The following NRSN1 variants were observed in gnomAD, a reference collection of about 807,000 sequenced individuals.
The protein encoded by NRSN1 is neurensin-1.
In NRSN1, 14 loss-of-function variants were observed where a neutral mutation model predicts 17.3. That is an observed-to-expected ratio of 0.81 (90% CI 0.54 to 1.27). The LOEUF (loss-of-function observed/expected upper bound fraction) is 1.27. Among genes scored for constraint, NRSN1 ranks in the 50% most tolerant of loss-of-function variants. The pLI is 0.00. For missense variants in NRSN1, 209 were observed against 235.9 expected, an observed-to-expected ratio of 0.89 and a Z score of 0.75; for synonymous variants, 79 against 94.2, an observed-to-expected ratio of 0.84 and a Z score of 0.93.
chr6:24,144,388 T>C (rs1236054631), intron 3 of NRSN1, among the ~76,000 whole-genome samples: 2 of 152,172 alleles, frequency 1.3e-5, no homozygotes, highest in Admixed American at 1.3e-4. Flanking sequence ...ACAAGTTGGA[T>C]GTATTACTCA....
chr6:24,142,518 A>G (rs1055417921), intron 3 of NRSN1, among the ~76,000 whole-genome samples: 7 of 151,996 alleles, frequency 4.6e-5, no homozygotes, highest in African/African-American at 1.7e-4. Flanking sequence ...GAGTACAACA[A>G]TGTGATCTCG....
At chr6:24,135,295 T>G (rs1760100671) in intron 3 of NRSN1, among the ~76,000 whole-genome samples, 1 of 152,156 alleles carries the variant, frequency 6.6e-6, no homozygotes, top group African/African-American at 2.4e-5. Flanking sequence ...AGAGATGCCA[T>G]CTCAAGGAAT....
chr6:24,141,670 C>T (rs1760206342), intron 3 of NRSN1: 1 of 152,284 alleles, frequency 6.6e-6, no homozygotes, highest in Non-Finnish European at 1.5e-5. Flanking sequence ...ATCTGAAAGC[C>T]ATGGTTTGCA....
intron 3 of NRSN1, among the ~76,000 whole-genome samples, chr6:24,136,246 T>A (rs1408883233): frequency 6.6e-6 from 1 of 152,264 alleles, no homozygotes; most frequent in Non-Finnish European, 1.5e-5. Flanking sequence ...TATTAGCTAC[T>A]ATTACTGGTT....
At chr6:24,141,156 T>C in intron 3 of NRSN1, 1 of 1,271,962 alleles carries the variant, frequency 7.9e-7, no homozygotes, top group Non-Finnish European at 1.0e-6. Flanking sequence ...CGAGGCTGCT[T>C]TGCTTCCTCA....
At chr6:24,138,432 G>A (rs909895256) in intron 3 of NRSN1, among the ~76,000 whole-genome samples, 3 of 152,070 alleles carry the variant, frequency 2.0e-5, no homozygotes, top group Non-Finnish European at 2.9e-5. Flanking sequence ...GATTGTCCAC[G>A]CAGCAAACAG....
In NRSN1 at chr6:24,146,107, T is replaced by A. The variant is rs936771286; in HGVS notation, c.*161T>A. The stretch of plus-strand genomic sequence containing the variant: ...CTCACACTTGCTCAGTTCAGGCAGC[T>A]CTGCTGGAGGGCGGTGCCATGCCTA... On this transcript the variant is annotated 3_prime_UTR_variant, in exon 4 of 4. Transcript: ENST00000378491. 5 of 794,660 alleles carry A rather than the reference T, an allele frequency of 6.3e-6. No individual in the cohort carries two copies. The African/African-American group carries it at 8.5e-5, about 13-fold the overall frequency. 49.2% of individuals were successfully genotyped at this position (794,660 alleles called of 1,614,324 possible).
intron 1 of NRSN1, among the ~76,000 whole-genome samples, chr6:24,127,238 C>T (rs1759963697): frequency 6.6e-6 from 1 of 152,064 alleles, no homozygotes; most frequent in African/African-American, 2.4e-5. Flanking sequence ...TGCTTCTTTC[C>T]CCCAAATCTG....
At position 24,130,205 on chromosome 6, in the gene NRSN1, T is replaced by C. The variant is rs1045453617; in HGVS notation, c.-10+2005T>C. Among the ~76,000 whole-genome samples, 5 of 152,232 alleles carry C rather than the reference T, an allele frequency of 3.3e-5. No homozygotes were observed. The East Asian group carries it at 7.7e-4, about 23-fold the overall frequency. Reference sequence around the variant, plus strand: ...TGAAATATAGACATCAGAAATCTTATGAAACCTTGATCTTTAAGTAAATAA... The same window carrying C: ...TGAAATATAGACATCAGAAATCTTACGAAACCTTGATCTTTAAGTAAATAA... On this transcript the variant is annotated intron_variant, in intron 2 of 3. Coordinates refer to ENST00000378491, the MANE Select transcript of NRSN1 (RefSeq NM_080723.5).
Position 24,140,333 on chromosome 6 carries a change from T to C in NRSN1, c.190-5215T>C, listed in dbSNP as rs190644325. On this transcript the variant is annotated intron_variant, in intron 3 of 3. Coordinates refer to ENST00000378491, the MANE Select transcript of NRSN1 (RefSeq NM_080723.5). ...ATGCGCTGGAAGAAGGAATCTCTGT[T>C]AGGTGGAAGAGCTGATGTGATTTCA... Among the ~76,000 whole-genome samples the C allele has an allele frequency of 7.9e-5, 12 of 152,242 alleles. No homozygotes were observed. The South Asian group carries it at 1.5e-3, about 18-fold the overall frequency.
chr6:24,133,771 G>C (rs974812586), intron 2 of NRSN1, among the ~76,000 whole-genome samples: 1 of 152,142 alleles, frequency 6.6e-6, no homozygotes, highest in African/African-American at 2.4e-5. Context: ...TAGTCATTGA[G>C]TGTTTAGGTA....
At chr6:24,135,071 T>C (rs1760095785) in intron 3 of NRSN1, among the ~76,000 whole-genome samples, 1 of 152,202 alleles carries the variant, frequency 6.6e-6, no homozygotes, top group African/African-American at 2.4e-5. Context: ...AGTGAGCATC[T>C]ACTCTGTGCC....
At chr6:24,134,042 T>TGTGTGTG (rs1554140179) in intron 2 of NRSN1, among the ~76,000 whole-genome samples, 54 of 47,232 alleles carry the variant, frequency 1.1e-3, no homozygotes, top group East Asian at 7.7e-3. Flanking sequence ...GTGTGTGTGT[T>TGTGTGTG]TTTAGTAGAG....
chr6:24,147,355 C>G lies in NRSN1; in HGVS notation c.*1409C>G, dbSNP rs199580216. The G allele has an allele frequency of 7.1e-6, 1 of 140,140 alleles. No individual in the cohort carries two copies. The highest frequency in any genetic ancestry group is 1.6e-5 in the Non-Finnish European group (1 of 63,010). 8.7% of individuals were successfully genotyped at this position (140,140 alleles called of 1,614,324 possible). On this transcript the variant is annotated 3_prime_UTR_variant, in exon 4 of 4. Coordinates refer to ENST00000378491, the MANE Select transcript of NRSN1 (RefSeq NM_080723.5). ...ATTGTGCCACCTTAGAGCCCCCCCC[C>G]TTTTTTTTTTCTTCCTTCACTGGAT...
intron 2 of NRSN1, among the ~76,000 whole-genome samples, chr6:24,134,029 T>TGTGTGTGTGTGTGTGC (rs1760076235): frequency 6.6e-6 from 1 of 151,498 alleles, no homozygotes; most frequent in Admixed American, 6.6e-5. Context: ...TGTGTGTGTG[T>TGTGTGTGTGTGTGTGC]GTGTGTGTGT....
chr6:24,142,844 T>C lies in NRSN1; in HGVS notation c.190-2704T>C, dbSNP rs541395082. ...GCGAAAGAACAAAGCTTCCACAGGG[T>C]GGAAAGAGACCAGAGCAGGTTGCGG... On this transcript the variant is annotated intron_variant, in intron 3 of 3. Coordinates refer to ENST00000378491, the MANE Select transcript of NRSN1 (RefSeq NM_080723.5). 5.3e-5 allele frequency among the ~76,000 whole-genome samples: 8 copies of C among 152,160 alleles called. No homozygotes were observed. The East Asian group carries it at 1.5e-3, about 29-fold the overall frequency.
At chr6:24,138,443 C>T (rs907135597) in intron 3 of NRSN1, among the ~76,000 whole-genome samples, 2 of 152,142 alleles carry the variant, frequency 1.3e-5, no homozygotes, top group African/African-American at 4.8e-5. Context: ...CAGCAAACAG[C>T]GTCATATGTA....
chr6:24,130,283 A>C (rs1325029156), intron 2 of NRSN1, among the ~76,000 whole-genome samples: 1 of 152,194 alleles, frequency 6.6e-6, no homozygotes, highest in Non-Finnish European at 1.5e-5. Flanking sequence ...TCTCAATTCT[A>C]GTTTGTTATA....
intron 3 of NRSN1, among the ~76,000 whole-genome samples, chr6:24,142,386 G>A (rs1760225028): frequency 6.6e-6 from 1 of 152,016 alleles, no homozygotes; most frequent in African/African-American, 2.4e-5. Flanking sequence ...ATGGGTAGCA[G>A]GAATCACACA....
Sources: gnomAD v4.1 joint callset for allele counts (sites outside exome capture counted in the v4.1 genomes callset) on GRCh38, gnomAD v4.1.1 for gene constraint, MANE v1.5 for transcripts, NCBI Gene and HGNC (gene_info 2026-07-23, HGNC 2026-07-21) for gene names.